Variants in PWWP4 observed in about 807,000 individuals in gnomAD.
PWWP4 encodes putative PWWP domain-containing DNA repair factor 4.
exon 1 of PWWP4, among the ~76,000 whole-genome samples, chrX:153,276,148 T>A (rs1196449609): frequency 9.8e-6 from 1 of 102,297 alleles, no homozygotes; most frequent in Non-Finnish European, 2.0e-5. Context: ...TGGTGACAGC[T>A]CAGGAGAACG....
chrX:153,270,143 C>T (rs1307351863), upstream of PWWP4, among the ~76,000 whole-genome samples: 1 of 108,334 alleles, frequency 9.2e-6, no homozygotes, highest in Non-Finnish European at 1.9e-5. Flanking sequence ...GTCATGTTTC[C>T]TCATTTTATC....
upstream of PWWP4, among the ~76,000 whole-genome samples, chrX:153,270,906 C>T (rs1292635909): frequency 1.1e-5 from 1 of 91,394 alleles, no homozygotes; most frequent in Non-Finnish European, 2.2e-5. Flanking sequence ...CTGCAGCGAT[C>T]CTCACGACCG....
upstream of PWWP4, among the ~76,000 whole-genome samples, chrX:153,270,111 A>G (rs1274598736): frequency 9.2e-6 from 1 of 108,515 alleles, no homozygotes; most frequent in Admixed American, 1.0e-4. Context: ...AGAAAAACAC[A>G]ATAACATGAC....
At chrX:153,271,411 C>G (rs1183083918), upstream of PWWP4, among the ~76,000 whole-genome samples, 1 of 109,238 alleles carries the variant, frequency 9.2e-6, no homozygotes, top group Non-Finnish European at 1.9e-5. Flanking sequence ...TTGCAGCATA[C>G]TCCAGAATTG....
chrX:153,270,212 C>CACAGAG (rs1482325540), upstream of PWWP4, among the ~76,000 whole-genome samples: 52 of 100,678 alleles, frequency 5.2e-4, no homozygotes, highest in East Asian at 1.7e-3. Context: ...CACACACACA[C>CACAGAG]AGAGAGAGAG....
At chrX:153,269,293 A>C (rs1469114209), upstream of PWWP4, among the ~76,000 whole-genome samples, 2 of 2,972 alleles carry the variant, frequency 6.7e-4, no homozygotes, top group Non-Finnish European at 9.8e-4. Context: ...GCCCAGTCAC[A>C]CCTGTTTTGT....
the PWWP4 span, among the ~76,000 whole-genome samples, chrX:153,266,390 T>C: frequency 9.9e-6 from 1 of 100,579 alleles, no homozygotes; most frequent in South Asian, 4.0e-4. Context: ...TGCGCGCGTG[T>C]GTGTGGATGT....
upstream of PWWP4, among the ~76,000 whole-genome samples, chrX:153,269,181 G>A: frequency 1.9e-5 from 1 of 53,875 alleles, no homozygotes. Context: ...GTGTGTGTGT[G>A]TGTGTGTGTG....
chrX:153,270,459 A>G (rs1394512108), upstream of PWWP4, among the ~76,000 whole-genome samples: 2 of 78,858 alleles, frequency 2.5e-5, no homozygotes, highest in Non-Finnish European at 4.7e-5. Flanking sequence ...GCATGCATTC[A>G]AGAGTTGGGG....
upstream of PWWP4, among the ~76,000 whole-genome samples, chrX:153,266,850 C>T (rs2051794406): frequency 1.6e-5 from 1 of 62,826 alleles, no homozygotes; most frequent in African/African-American, 7.0e-5. Flanking sequence ...TTGAGCAGGC[C>T]GGGACTCATG....
Sources: gnomAD v4.1 joint callset for allele counts (sites outside exome capture counted in the v4.1 genomes callset) on GRCh38, gnomAD v4.1.1 for gene constraint, MANE v1.5 for transcripts, NCBI Gene and HGNC (gene_info 2026-07-23, HGNC 2026-07-21) for gene names.